The following ERG variants were observed in gnomAD, a reference collection of about 807,000 sequenced individuals.
ERG encodes the protein transcriptional regulator ERG.
ERG carries 9 observed loss-of-function variants against 55.3 expected under a neutral mutation model. That is an observed-to-expected ratio of 0.16 (90% CI 0.10 to 0.28). The LOEUF (loss-of-function observed/expected upper bound fraction) is 0.28. ERG is among the 10% of genes least tolerant of loss of function. The probability of loss-of-function intolerance (pLI) is 1.00; values close to 1 mark genes in which losing one functional copy is unlikely to be tolerated. For synonymous variants in ERG, 223 were observed against 237.3 expected (o/e 0.94, Z 0.55); for missense variants, 434 against 631.6 (o/e 0.69, Z 3.35).
upstream of ERG, among the ~76,000 whole-genome samples, chr21:38,589,854 A>G (rs370017703): frequency 1.4e-3 from 218 of 152,270 alleles, 1 homozygote; most frequent in African/African-American, 5.0e-3. Flanking sequence ...CTTGTTAACT[A>G]AACCATTTTG....
chr21:38,502,132 A>T (rs1419270230), upstream of ERG, among the ~76,000 whole-genome samples: 1 of 152,226 alleles, frequency 6.6e-6, no homozygotes, highest in Non-Finnish European at 1.5e-5. Flanking sequence ...CTGTGGGGAC[A>T]CAACAGAAGA....
intron 2 of ERG, among the ~76,000 whole-genome samples, chr21:38,538,196 A>G (rs923426304): frequency 1.3e-5 from 2 of 152,176 alleles, no homozygotes; most frequent in African/African-American, 2.4e-5. Flanking sequence ...GCTATTGTTT[A>G]ATGGGTTGGA....
chr21:38,418,270 A>AGTGTGTGTGTGTGT (rs71184622), intron 3 of ERG, among the ~76,000 whole-genome samples: 5,123 of 130,312 alleles, frequency 0.039, 170 homozygotes, highest in East Asian at 0.087. Context: ...AACATTTGGA[A>AGTGTGTGTGTGTGT]GTGTGTGTGT....
intron 1 of ERG, among the ~76,000 whole-genome samples, chr21:38,449,981 C>G (rs2058925860): frequency 6.6e-6 from 1 of 151,962 alleles, no homozygotes; most frequent in South Asian, 2.1e-4. Context: ...ATTGGATTAT[C>G]AAACCCACCT....
At chr21:38,402,668 ATG>A in intron 4 of ERG, 31 bp from the exon 5 acceptor site, 2 of 1,261,884 alleles carry the variant, frequency 1.6e-6, no homozygotes. Context: ...CGACATCAAA[ATG>A]AAAAAAAAAA....
intron 1 of ERG, among the ~76,000 whole-genome samples, chr21:38,496,738 A>G (rs1655997407): frequency 6.6e-6 from 1 of 152,246 alleles, no homozygotes; most frequent in Admixed American, 6.5e-5. Context: ...TCATGTATTC[A>G]TAAATGTATA....
chr21:38,609,323 C>T (rs1179555122), intron 1 of ERG, among the ~76,000 whole-genome samples: 1 of 152,110 alleles, frequency 6.6e-6, no homozygotes, highest in Non-Finnish European at 1.5e-5. Context: ...TATTTTCACG[C>T]CCATGTGGAA....
intron 6 of ERG, among the ~76,000 whole-genome samples, chr21:38,395,956 A>G (rs187961749): frequency 4.5e-4 from 69 of 152,138 alleles, no homozygotes; most frequent in Middle Eastern, 3.4e-3. Flanking sequence ...TACCCGCTTT[A>G]TTTTTTAAAG....
At chr21:38,385,051 C>T (rs946525132) in intron 9 of ERG, among the ~76,000 whole-genome samples, 11 of 152,150 alleles carry the variant, frequency 7.2e-5, no homozygotes, top group Non-Finnish European at 1.3e-4. Flanking sequence ...TCACATTTAG[C>T]TGGGTGGACA....
At chr21:38,515,239 C>T (rs1229536079) in intron 2 of ERG, among the ~76,000 whole-genome samples, 1 of 151,772 alleles carries the variant, frequency 6.6e-6, no homozygotes, top group Non-Finnish European at 1.5e-5. Flanking sequence ...TATGGAAATG[C>T]AGAGTCAAAA....
At chr21:38,405,251 A>T (rs1988710526) in intron 3 of ERG, among the ~76,000 whole-genome samples, 2 of 152,230 alleles carry the variant, frequency 1.3e-5, no homozygotes, top group Admixed American at 1.3e-4. Context: ...TAAACGATAT[A>T]TGATTTGCTA....
chr21:38,472,750 G>A (rs1785146829), intron 1 of ERG, among the ~76,000 whole-genome samples: 1 of 152,216 alleles, frequency 6.6e-6, no homozygotes, highest in African/African-American at 2.4e-5. Flanking sequence ...ACGTGTCTCA[G>A]CTACTAAGTT....
chr21:38,445,358 A>G, intron 2 of ERG, 46 bp downstream of exon 2: 1 of 1,504,922 alleles, frequency 6.6e-7, no homozygotes, highest in Non-Finnish European at 9.2e-7. Flanking sequence ...TGCAAAGGAT[A>G]GGAAAATGGG....
At chr21:38,501,780 G>T (rs956574099), upstream of ERG, among the ~76,000 whole-genome samples, 1 of 152,166 alleles carries the variant, frequency 6.6e-6, no homozygotes, top group African/African-American at 2.4e-5. Context: ...CATTTCCCTT[G>T]CATGCTTCTC....
At chr21:38,484,948 T>C (rs1273392284) in intron 1 of ERG, among the ~76,000 whole-genome samples, 1 of 152,122 alleles carries the variant, frequency 6.6e-6, no homozygotes, top group Admixed American at 6.5e-5. Context: ...ATGTTATTGG[T>C]TTACATATTT....
chr21:38,578,868 T>G (rs2060011127), intron 1 of ERG, among the ~76,000 whole-genome samples: 1 of 152,206 alleles, frequency 6.6e-6, no homozygotes, highest in African/African-American at 2.4e-5. Context: ...ACATACACTT[T>G]GCAATGTACA....
intron 1 of ERG, among the ~76,000 whole-genome samples, chr21:38,634,995 C>T (rs181320853): frequency 1.4e-3 from 218 of 152,148 alleles, no homozygotes; most frequent in African/African-American, 5.2e-3. Context: ...CGCCAAACCA[C>T]GAAAAAACAC....
At chr21:38,550,869 A>C (rs1395857145) in intron 2 of ERG, among the ~76,000 whole-genome samples, 1 of 152,236 alleles carries the variant, frequency 6.6e-6, no homozygotes, top group Admixed American at 6.5e-5. Context: ...TAAATCAGCA[A>C]GGGTAGCAGT....
chr21:38,395,695 C>T (rs1163138676), intron 6 of ERG: 3 of 171,794 alleles, frequency 1.7e-5, no homozygotes, highest in Admixed American at 6.4e-5. Context: ...AATAGGGACT[C>T]GGCTAGTGCT....
Sources: gnomAD v4.1 joint callset for allele counts (sites outside exome capture counted in the v4.1 genomes callset) on GRCh38, gnomAD v4.1.1 for gene constraint, MANE v1.5 for transcripts, NCBI Gene and HGNC (gene_info 2026-07-23, HGNC 2026-07-21) for gene names.